Variants in GLIS3 observed in about 807,000 individuals in gnomAD.
The protein encoded by GLIS3 is zinc finger protein GLIS3.
A neutral mutation model predicts 78.6 loss-of-function variants in GLIS3; 53 were observed. That is an observed-to-expected ratio of 0.67 (90% CI 0.54 to 0.85). GLIS3 has a LOEUF of 0.85. Among genes scored for constraint, GLIS3 ranks in the 40% least tolerant of loss-of-function variants. GLIS3 has a pLI of 0.00. For missense variants in GLIS3, 1,703 were observed against 1,231.1 expected, an observed-to-expected ratio of 1.38 and a Z score of -5.74; for synonymous variants, 684 against 509.9, an observed-to-expected ratio of 1.34 and a Z score of -4.60.
intron 8 of GLIS3, among the ~76,000 whole-genome samples, chr9:3,868,675 C>T (rs1820767065): frequency 6.6e-6 from 1 of 152,120 alleles, no homozygotes; most frequent in Non-Finnish European, 1.5e-5. Context: ...GTGCAAGAGT[C>T]ACTACATCCC....
intron 5 of GLIS3, among the ~76,000 whole-genome samples, chr9:3,934,428 G>GAAAGTTTTTTTAAAAGTTTTTTAAAA (rs1825782208): frequency 1.2e-4 from 11 of 92,200 alleles, no homozygotes; most frequent in African/African-American, 3.7e-4. Flanking sequence ...TTTTTTTTTT[G>GAAAGTTTTTTTAAAAGTTTTTTAAAA]AGATGGAGTC....
chr9:4,194,567 A>G lies in GLIS3; in HGVS notation c.389-68626T>C, dbSNP rs148056642. ...ACTTGGAAACAGCAAAAGAGTGCAT[A>G]AAGATGAACTCTGTGAGCTTTAATT... On this transcript the variant is annotated intron_variant, in intron 2 of 10. Transcript: ENST00000381971. 7.3e-3 allele frequency among the ~76,000 whole-genome samples: 1,117 copies of G among 152,334 alleles called. 18 individuals are homozygous for G. The highest frequency in any genetic ancestry group is 0.026 in the African/African-American group (1,072 of 41,574).
At chr9:3,905,033 C>T (rs920395312) in intron 6 of GLIS3, among the ~76,000 whole-genome samples, 6 of 150,662 alleles carry the variant, frequency 4.0e-5, no homozygotes, top group Admixed American at 2.6e-4. Context: ...AGTGCAGTGG[C>T]GCGATCTCGG....
intron 2 of GLIS3, among the ~76,000 whole-genome samples, chr9:4,270,553 G>C (rs1826409101): frequency 6.6e-6 from 1 of 152,168 alleles, no homozygotes; most frequent in Non-Finnish European, 1.5e-5. Flanking sequence ...AAGGTGGGTT[G>C]GACTGAGCCT....
intron 8 of GLIS3, among the ~76,000 whole-genome samples, chr9:3,860,260 G>T (rs1290123900): frequency 1.3e-5 from 1 of 77,620 alleles, no homozygotes; most frequent in African/African-American, 5.2e-5. Flanking sequence ...GGGTGACAGA[G>T]CAAGACTCTG....
At chr9:4,474,628 C>A in the GLIS3 span, among the ~76,000 whole-genome samples, 1 of 151,756 alleles carries the variant, frequency 6.6e-6, no homozygotes, top group Non-Finnish European at 1.5e-5. Flanking sequence ...ATCTTCATAC[C>A]TTTGGAGTAA....
At chr9:3,886,756 C>T (rs1271635689) in intron 7 of GLIS3, among the ~76,000 whole-genome samples, 2 of 152,196 alleles carry the variant, frequency 1.3e-5, no homozygotes, top group African/African-American at 2.4e-5. Flanking sequence ...GAAAAATGCT[C>T]TCTGAACCTA....
intron 4 of GLIS3, among the ~76,000 whole-genome samples, chr9:4,107,638 C>T (rs1830865076): frequency 6.6e-6 from 1 of 151,996 alleles, no homozygotes; most frequent in Non-Finnish European, 1.5e-5. Flanking sequence ...CTTTAAATAT[C>T]ATGTTACTGC....
intron 2 of GLIS3, among the ~76,000 whole-genome samples, chr9:4,227,765 C>G (rs780057103): frequency 5.3e-5 from 8 of 152,134 alleles, no homozygotes; most frequent in Non-Finnish European, 1.2e-4. Flanking sequence ...CCAAGGAGCT[C>G]TGAACTCCCT....
upstream of GLIS3, among the ~76,000 whole-genome samples, chr9:4,301,650 A>C (rs1817078061): frequency 6.6e-6 from 1 of 152,186 alleles, no homozygotes; most frequent in African/African-American, 2.4e-5. Context: ...GACTGCAAAA[A>C]ACCTTTCCAA....
intron 2 of GLIS3, among the ~76,000 whole-genome samples, chr9:4,205,210 A>G (rs1586971534): frequency 6.7e-6 from 1 of 150,116 alleles, no homozygotes; most frequent in South Asian, 2.1e-4. Context: ...AGTTATGACT[A>G]TTTCAAGACA....
chr9:4,269,087 C>T (rs572315547), intron 2 of GLIS3, among the ~76,000 whole-genome samples: 7 of 152,310 alleles, frequency 4.6e-5, no homozygotes, highest in African/African-American at 7.2e-5. Flanking sequence ...CTTTCTCACA[C>T]GACACAGAAT....
rs553521703 is a variant in GLIS3 at position 4,155,532 on chromosome 9, A to G, written c.389-29591T>C. Among the ~76,000 whole-genome samples, 7 of 152,318 alleles carry G rather than the reference A, an allele frequency of 4.6e-5. No homozygotes were observed. In the East Asian group the frequency reaches 1.2e-3, roughly 25 times the overall value. On this transcript the variant is annotated intron_variant, in intron 2 of 10. Transcript: ENST00000381971. ...GAACTCAAAACGTTTGTGCCTTCAT[A>G]GGCCTTTTAAATGATGAAATATTTA...
At chr9:3,852,618 G>C (rs1432837408) in intron 9 of GLIS3, among the ~76,000 whole-genome samples, 1 of 152,128 alleles carries the variant, frequency 6.6e-6, no homozygotes, top group Non-Finnish European at 1.5e-5. Flanking sequence ...TTACCCTGAA[G>C]AGTAGTAGAT....
intron 2 of GLIS3, among the ~76,000 whole-genome samples, chr9:4,231,465 T>C (rs1299767735): frequency 6.6e-6 from 1 of 152,100 alleles, no homozygotes; most frequent in African/African-American, 2.4e-5. Flanking sequence ...GAAAAAAAAT[T>C]ATGAAGATAC....
chr9:4,250,559 C>T lies in GLIS3; in HGVS notation c.388+35479G>A, dbSNP rs975560511. Among the ~76,000 whole-genome samples the T allele has an allele frequency of 2.0e-5, 3 of 148,600 alleles. No homozygotes were observed. The East Asian group carries it at 6.0e-4, about 30-fold the overall frequency. ...TCAGTTTTGTTGATCTTTTCAAAAACCTAGCTCCCGTATTCATTAATTTTT... is the reference window on the plus strand; with the variant it reads ...TCAGTTTTGTTGATCTTTTCAAAAATCTAGCTCCCGTATTCATTAATTTTT... On this transcript the variant is annotated intron_variant, in intron 2 of 10. Coordinates refer to ENST00000381971, the MANE Select transcript of GLIS3 (RefSeq NM_001042413.2).
At chr9:4,211,210 G>T (rs927148705) in intron 2 of GLIS3, among the ~76,000 whole-genome samples, 15 of 152,276 alleles carry the variant, frequency 9.9e-5, no homozygotes, top group Middle Eastern at 3.4e-3. Context: ...ATGAACTTGT[G>T]CCCTAATCTT....
the GLIS3 span, among the ~76,000 whole-genome samples, chr9:4,404,987 G>GA: frequency 6.6e-6 from 1 of 151,868 alleles, no homozygotes; most frequent in Admixed American, 6.6e-5. Flanking sequence ...GAGTAACTAG[G>GA]AAAAAAAGAG....
At chr9:3,997,896 A>G (rs1820858871) in intron 4 of GLIS3, among the ~76,000 whole-genome samples, 1 of 152,286 alleles carries the variant, frequency 6.6e-6, no homozygotes, top group East Asian at 1.9e-4. Flanking sequence ...AGGATTAGAA[A>G]AAAAAGCCAT....
Sources: gnomAD v4.1 joint callset for allele counts (sites outside exome capture counted in the v4.1 genomes callset) on GRCh38, gnomAD v4.1.1 for gene constraint, MANE v1.5 for transcripts, NCBI Gene and HGNC (gene_info 2026-07-23, HGNC 2026-07-21) for gene names.